Variants in WDR81 observed in about 807,000 individuals in gnomAD.
WDR81 encodes WD repeat domain 81, also known as WD repeat-containing protein 81.
A neutral mutation model predicts 140.8 loss-of-function variants in WDR81; 92 were observed. The ratio of observed to expected loss-of-function variants is 0.65; its 90% CI spans 0.55 to 0.78. The LOEUF (loss-of-function observed/expected upper bound fraction) is 0.78. Ranked by LOEUF, WDR81 falls within the 30% of genes least tolerant of loss-of-function variation. The probability of loss-of-function intolerance (pLI) is 0.00; values close to 1 mark genes in which losing one functional copy is unlikely to be tolerated. For synonymous variants in WDR81, 1,183 were observed against 1,156.4 expected, an observed-to-expected ratio of 1.02 and a Z score of -0.47; for missense variants, 2,502 against 2,636.4, an observed-to-expected ratio of 0.95 and a Z score of 1.12.
rs868189630 is a variant in WDR81, at chr17:1,734,158, G to C, written c.5121G>C (p.Glu1707Asp). 6.3e-7 allele frequency: 1 copy of C among 1,598,362 alleles called. No homozygotes were observed. Among genetic ancestry groups the C allele is most frequent in the Non-Finnish European group, 8.5e-7 (1 of 1,179,586 alleles). ...GCGTCTTCTTCGTGGGCCAGCTTGA[G>C]GCCCCGCAGCACGTGGTGAGCTGTG... ...RKSVFFVGQL[E>D]APQHVVSCDG... The change falls in exon 7 of 10, where the codon GAG (glutamate) becomes GAC (aspartate). Residue 1707 changes from glutamate (E) to aspartate (D), a missense_variant. By Grantham distance (45) the Glu-to-Asp change is conservative. Around this residue, in one of 3 missense-constraint regions of WDR81, gnomAD observed 1,737 missense variants for 1,843.0 expected, o/e 0.94. Transcript: ENST00000409644.
rs763408263 is a variant in WDR81, at chr17:1,732,383, G to T, written c.4216G>T (p.Ala1406Ser). 2 of 1,613,466 alleles carry T rather than the reference G, an allele frequency of 1.2e-6. No individual in the cohort carries two copies. Among genetic ancestry groups the T allele is most frequent in the African/African-American group, 1.3e-5 (1 of 74,908 alleles). The change falls in exon 5 of 10, where the codon GCC becomes TCC. Residue 1406 changes from alanine to serine, a missense_variant. By Grantham distance (99) the Ala-to-Ser change is moderately conservative. This residue lies in a region of WDR81 where 1,737 missense variants were observed against 1,843.0 expected (regional missense o/e 0.94). Coordinates refer to ENST00000409644, the MANE Select transcript of WDR81 (RefSeq NM_001163809.2). ...ILCVKTISLI[A>S]LICLRIGQEM... ...GTGTGTGAAAACCATCAGCCTCATCGCCCTCATCTGCCTGCGCATTGGACA... is the reference window on the plus strand; with the variant it reads ...GTGTGTGAAAACCATCAGCCTCATCTCCCTCATCTGCCTGCGCATTGGACA...
intron 4 of WDR81, 99 bp from the exon 5 acceptor site, chr17:1,732,226 G>A (rs1018910833): frequency 1.3e-6 from 2 of 1,485,804 alleles, no homozygotes; most frequent in Admixed American, 2.1e-5. Flanking sequence ...GACAGAGCAA[G>A]ACTCCATCTC....
intron 1 of WDR81, among the ~76,000 whole-genome samples, chr17:1,717,384 G>C (rs539201247): frequency 2.6e-5 from 4 of 152,326 alleles, no homozygotes; most frequent in African/African-American, 9.6e-5. Flanking sequence ...CATGTGGACT[G>C]AAATCCATGC....
chr17:1,719,900 C>T (rs1020645141), upstream of WDR81, among the ~76,000 whole-genome samples: 1 of 150,168 alleles, frequency 6.7e-6, no homozygotes, highest in East Asian at 2.0e-4. Flanking sequence ...CTCAGGAGGC[C>T]GAGGCAGAGG....
Position 1,732,741 on chromosome 17 carries a change from C to T in WDR81, c.4399C>T (p.Pro1467Ser), listed in dbSNP as rs1031624411. The change falls in exon 6 of 10, where the codon CCC becomes TCC. Residue 1467 changes from proline to serine, a missense_variant. Around this residue, in one of 3 missense-constraint regions of WDR81, gnomAD observed 1,737 missense variants for 1,843.0 expected, o/e 0.94. Coordinates refer to ENST00000409644, the MANE Select transcript of WDR81 (RefSeq NM_001163809.2). ...QVVFSDGQQRPVDPALLDELQ... is the reference protein window; with the variant it reads ...QVVFSDGQQRSVDPALLDELQ... The stretch of plus-strand genomic sequence containing the variant: ...GGTCTTCTCTGATGGGCAGCAGCGG[C>T]CCGTGGACCCCGCCCTGCTGGACGA... 1 of 1,613,044 alleles carries T rather than the reference C, an allele frequency of 6.2e-7. No homozygotes were observed. The highest frequency in any genetic ancestry group is 8.5e-7 in the Non-Finnish European group (1 of 1,179,968).
intron 6 of WDR81, 54 bp from the exon 7 acceptor site, chr17:1,733,473 A>G: frequency 2.0e-6 from 3 of 1,490,812 alleles, no homozygotes; most frequent in East Asian, 2.4e-5. Flanking sequence ...TGGATGGGTG[A>G]TAGCAGCCGC....
At position 1,730,390 on chromosome 17, in the gene WDR81, CAAG is replaced by C; in HGVS notation, c.3680_3682del (p.Lys1227del). The C allele has an allele frequency of 6.2e-7, 1 of 1,612,452 alleles. No homozygotes were observed. On this transcript the variant is annotated inframe_deletion, in exon 2 of 10. Transcript: ENST00000409644. ...GCTCCCACCCCGCAGATACAGCCTG[CAAG>C]ATGGTCCGCTGGCTGTCTGCCAAGC...
rs1475024973 is a variant in WDR81, at chr17:1,725,105, C to CG, written c.152dup (p.Thr52HisfsTer75). The CG allele has an allele frequency of 2.0e-6, 3 of 1,509,914 alleles. No homozygotes were observed. The highest frequency in any genetic ancestry group is 2.7e-6 in the Non-Finnish European group (3 of 1,130,236). 93.5% of individuals were successfully genotyped at this position (1,509,914 alleles called of 1,614,324 possible). On this transcript the variant is annotated frameshift_variant, in exon 1 of 10. Transcript: ENST00000409644. LOFTEE classifies it high-confidence loss of function. ...GATCCCAGGCAGCTGGCTCCGGCCCCGGGGGGCACCCACGTGGTGGCCCTA... is the reference window on the plus strand; with the variant it reads ...GATCCCAGGCAGCTGGCTCCGGCCCCGGGGGGGCACCCACGTGGTGGCCCTA...
Position 1,735,640 on chromosome 17 carries a change from G to GC in WDR81, c.5254dup (p.His1752ProfsTer10). The GC allele has an allele frequency of 1.9e-6, 3 of 1,612,754 alleles. No homozygotes were observed. Among genetic ancestry groups the GC allele is most frequent in the Non-Finnish European group, 2.5e-6 (3 of 1,179,890 alleles). On this transcript the variant is annotated frameshift_variant, in exon 8 of 10. Transcript: ENST00000409644. LOFTEE classifies it high-confidence loss of function. The surrounding 1 kb of genome is among the most constrained non-coding windows in gnomAD (Gnocchi z 4.2). ...CCTGACTGCGGTGGCTGTCATGCCC[G>GC]CCCCCCACACCAGCATCACCATGGC... is the stretch of plus-strand genomic sequence containing the variant.
rs955272686 is a variant in WDR81 at position 1,735,490 on chromosome 17, C to G, written c.5180-82C>G. On this transcript the variant is annotated intron_variant, in intron 7 of 9. Transcript: ENST00000409644. This position sits in a 1 kb window ranked among gnomAD's most constrained non-coding sequence, Gnocchi z 4.2. Reference sequence around the variant, plus strand: ...CCCTGGGGGACGGGAGGCAGGTGTGCGGTGAGTTGGGGGATTAGAAGCTCC... The same window carrying G: ...CCCTGGGGGACGGGAGGCAGGTGTGGGGTGAGTTGGGGGATTAGAAGCTCC... The G allele has an allele frequency of 1.5e-6, 2 of 1,357,220 alleles. No homozygotes were observed. Among genetic ancestry groups the G allele is most frequent in the Non-Finnish European group, 2.0e-6 (2 of 1,015,502 alleles). The allele number at this position is 1,357,220 out of a possible 1,614,324, so 84.1% of individuals were successfully genotyped here. A position where few individuals can be genotyped will look rare whatever the true frequency, so the allele number is the denominator to read the frequency against.
At position 1,733,615 on chromosome 17, in the gene WDR81, C is replaced by T. The variant is rs1308607522; in HGVS notation, c.4578C>T (p.Arg1526=). 6.3e-7 allele frequency: 1 copy of T among 1,589,076 alleles called. No individual in the cohort carries two copies. The highest frequency in any genetic ancestry group is 1.3e-5 in the African/African-American group (1 of 74,388). ...TGGAGAGCATCAGCCCCAGCAGTCG[C>T]AACCCTGCCAGCGTGGAGCCCACCA... is the stretch of plus-strand genomic sequence containing the variant. ...LYLESISPSS[R]NPASVEPTMP... The change falls in exon 7 of 10, where the codon CGC becomes CGT. Residue 1526 remains arginine (R), a synonymous_variant. Transcript: ENST00000409644.
rs774952561 is a variant in WDR81 at position 1,730,473 on chromosome 17, C to T, written c.3761C>T (p.Thr1254Met). The change falls in exon 2 of 10, where the codon ACG becomes ATG. Residue 1254 changes from threonine (T) to methionine (M), a missense_variant. Around this residue, in one of 3 missense-constraint regions of WDR81, gnomAD observed 1,737 missense variants for 1,843.0 expected, o/e 0.94. Coordinates refer to ENST00000409644, the MANE Select transcript of WDR81 (RefSeq NM_001163809.2). ...HVARNLLRLL[T>M]SCYVGPTRQQ... ...GCCCGGAACCTGCTCCGCCTGCTGACGTCTTGTTATGTTGGTAAGGAGGCC... is the reference window on the plus strand; with the variant it reads ...GCCCGGAACCTGCTCCGCCTGCTGATGTCTTGTTATGTTGGTAAGGAGGCC... The T allele has an allele frequency of 7.4e-6, 12 of 1,613,040 alleles. No homozygotes were observed. The highest frequency in any genetic ancestry group is 1.3e-5 in the African/African-American group (1 of 74,948).
chr17:1,731,232 C>T lies in WDR81; in HGVS notation c.4131C>T (p.Leu1377=). The T allele has an allele frequency of 6.2e-7, 1 of 1,613,558 alleles. No individual in the cohort carries two copies. Among genetic ancestry groups the T allele is most frequent in the Non-Finnish European group, 8.5e-7 (1 of 1,179,974 alleles). ...GCCATGAGGTCCTGCTGCCCGTGCTCAGCTTCCTCACCTCCCTCGTCACGG... is the reference window on the plus strand; with the variant it reads ...GCCATGAGGTCCTGCTGCCCGTGCTTAGCTTCCTCACCTCCCTCGTCACGG... The part of the protein sequence containing the change: ...RISHEVLLPV[L]SFLTSLVTGF... The change falls in exon 4 of 10, where the codon CTC becomes CTT. Residue 1377 remains leucine, a synonymous_variant. Transcript: ENST00000409644.
At chr17:1,719,250 T>C (rs1006354793) in intron 1 of WDR81, among the ~76,000 whole-genome samples, 1 of 152,170 alleles carries the variant, frequency 6.6e-6, no homozygotes, top group African/African-American at 2.4e-5. Context: ...AAAAATATTT[T>C]AAAAGTTAAA....
rs766074556 is a variant in WDR81, at chr17:1,733,775, G to A, written c.4738G>A (p.Gly1580Arg). The stretch of plus-strand genomic sequence containing the variant: ...CAATGACTCTCGGCCTGAGAACCCC[G>A]GACCACTGGGCCCCATCTCGGGGGT... ...IPNDSRPENP[G>R]PLGPISGVGG... Residue 1580 changes from glycine (G) to arginine (R), a missense_variant, in exon 7 of 10, where the codon GGA becomes AGA. This residue lies in a region of WDR81 where 1,737 missense variants were observed against 1,843.0 expected (regional missense o/e 0.94). Transcript: ENST00000409644. 16 of 1,612,460 alleles carry A rather than the reference G, an allele frequency of 9.9e-6. No individual in the cohort carries two copies. The highest frequency in any genetic ancestry group is 2.2e-5 in the East Asian group (1 of 44,860).
In WDR81 at chr17:1,725,776, G is replaced by A. The variant is rs201695196; in HGVS notation, c.817G>A (p.Ala273Thr). 77 of 1,550,526 alleles carry A rather than the reference G, an allele frequency of 5.0e-5. No homozygotes were observed. Among genetic ancestry groups the A allele is most frequent in the Non-Finnish European group, 6.4e-5 (73 of 1,147,024 alleles). ...CTTCCGCGTGCTGAGGGCTATGGAC[G>A]CCTGTCACCGCCAGGGGCTGGCGTG... ...ILFRVLRAMD[A>T]CHRQGLACGA... The change falls in exon 1 of 10, where the codon GCC (alanine) becomes ACC (threonine). Residue 273 changes from alanine to threonine, a missense_variant. Ala to Thr is a moderately conservative substitution (Grantham distance 58). Transcript: ENST00000409644.
chr17:1,726,700 G>A lies in WDR81; in HGVS notation c.1741G>A (p.Val581Met). Residue 581 changes from valine (V) to methionine (M), a missense_variant, in exon 1 of 10, where the codon GTG becomes ATG. Coordinates refer to ENST00000409644, the MANE Select transcript of WDR81 (RefSeq NM_001163809.2). Reference protein sequence around the residue: ...AHTHLASYGVVQLFDQPHPQR... With the variant: ...AHTHLASYGVMQLFDQPHPQR... ...CACTCACCTGGCCAGCTACGGGGTG[G>A]TGCAGCTCTTCGATCAGCCACACCC... 2 of 1,549,470 alleles carry A rather than the reference G, an allele frequency of 1.3e-6. No homozygotes were observed. Among genetic ancestry groups the A allele is most frequent in the Non-Finnish European group, 1.7e-6 (2 of 1,146,930 alleles).
chr17:1,737,490 G>T lies in WDR81; in HGVS notation c.5631G>T (p.Leu1877=), dbSNP rs1453189990. 1 of 1,613,198 alleles carries T rather than the reference G, an allele frequency of 6.2e-7. No individual in the cohort carries two copies. The highest frequency in any genetic ancestry group is 8.5e-7 in the Non-Finnish European group (1 of 1,180,000). The change falls in exon 10 of 10, where the codon CTG becomes CTT. Residue 1877 remains leucine (L), a synonymous_variant. Coordinates refer to ENST00000409644, the MANE Select transcript of WDR81 (RefSeq NM_001163809.2). ...CCGACCCCATCCACACCTTTGACCTGTACGGCAGCGAGGTGGTCACTGGCA... is the reference window on the plus strand; with the variant it reads ...CCGACCCCATCCACACCTTTGACCTTTACGGCAGCGAGGTGGTCACTGGCA... ...SASDPIHTFD[L]YGSEVVTGTV...
In WDR81 at chr17:1,726,564, C is replaced by T. The variant is rs761261013; in HGVS notation, c.1605C>T (p.Arg535=). The T allele has an allele frequency of 7.7e-6, 12 of 1,550,344 alleles. No homozygotes were observed. Among genetic ancestry groups the T allele is most frequent in the Middle Eastern group, 1.7e-4 (1 of 5,992 alleles). Residue 535 remains arginine (R), a synonymous_variant, in exon 1 of 10, where the codon CGC becomes CGT. Transcript: ENST00000409644. The part of the protein sequence containing the change: ...VAAHRALLES[R]EVSRDLHHWI... ...CCCACCGAGCCCTGCTGGAGAGCCG[C>T]GAGGTATCCCGGGACCTGCACCATT...
Sources: allele counts gnomAD v4.1 joint callset (sites outside exome capture counted in the v4.1 genomes callset), GRCh38; gene constraint gnomAD v4.1.1; regional missense constraint gnomAD v4.1.1; non-coding constraint Gnocchi (gnomAD v3.1); transcripts MANE v1.5; gene names NCBI Gene and HGNC (gene_info 2026-07-23, HGNC 2026-07-21).